ATP6V0A4: variants seen among roughly 807,000 people sequenced by gnomAD.
The protein encoded by ATP6V0A4 is V-type proton ATPase 116 kDa subunit a 4.
In ATP6V0A4, 86 loss-of-function variants were observed where a neutral mutation model predicts 107.3. That is an observed-to-expected ratio of 0.80 (90% CI 0.67 to 0.96). The LOEUF (loss-of-function observed/expected upper bound fraction) is 0.96. ATP6V0A4 is among the 40% of genes least tolerant of loss of function. The probability of loss-of-function intolerance (pLI) is 0.00; values close to 1 mark genes in which losing one functional copy is unlikely to be tolerated. For synonymous variants in ATP6V0A4, 353 were observed against 381.4 expected (o/e 0.93, Z 0.87); for missense variants, 908 against 1,045.6 (o/e 0.87, Z 1.81).
intron 5 of ATP6V0A4, among the ~76,000 whole-genome samples, chr7:138,767,411 T>G (rs1275491405): frequency 1.3e-5 from 2 of 151,978 alleles, no homozygotes; most frequent in African/African-American, 2.4e-5. Flanking sequence ...TAATCCCAGC[T>G]ACTTGGGAGG....
In ATP6V0A4 at chr7:138,763,029, T is replaced by C; in HGVS notation, c.292-4A>G. 2 of 1,613,948 alleles carry C rather than the reference T, an allele frequency of 1.2e-6. No homozygotes were observed. Among genetic ancestry groups the C allele is most frequent in the South Asian group, 1.1e-5 (1 of 91,084 alleles). On this transcript the variant is annotated splice_region_variant and splice_polypyrimidine_tract_variant and intron_variant, in intron 5 of 21. Transcript: ENST00000310018. ...CTTCCAGTTTTTCTAGAACAGTCTA[T>C]GCAGGAAGGAAAAAGAAGGTAAGCC...
At chr7:138,732,688 G>A (rs965796895) in intron 17 of ATP6V0A4, among the ~76,000 whole-genome samples, 189 bp downstream of exon 17, 1 of 151,944 alleles carries the variant, frequency 6.6e-6, no homozygotes, top group African/African-American at 2.4e-5. Flanking sequence ...CAGCCACTCA[G>A]GAGGCTGAGT....
chr7:138,767,978 G>T (rs1807178215), intron 5 of ATP6V0A4, among the ~76,000 whole-genome samples: 2 of 152,156 alleles, frequency 1.3e-5, no homozygotes, highest in South Asian at 2.1e-4. Flanking sequence ...CTGTCGCCCA[G>T]GCTGGAGTGC....
chr7:138,710,736 G>C (rs1464723478), intron 20 of ATP6V0A4, among the ~76,000 whole-genome samples: 2 of 152,194 alleles, frequency 1.3e-5, no homozygotes, highest in Non-Finnish European at 2.9e-5. Flanking sequence ...ACTCGGGAAA[G>C]TGGCTCTTTT....
Position 138,715,875 on chromosome 7 carries a change from A to G in ATP6V0A4, c.2146T>C (p.Phe716Leu). ...ALDDHGEEFNFGDVFVHQAIH... is the reference protein window; with the variant it reads ...ALDDHGEEFNLGDVFVHQAIH... The stretch of plus-strand genomic sequence containing the variant: ...GCTTGGTGGACAAAGACGTCTCCAA[A>G]GTTGAACTGAAAGACGGAATTGTTT... The change falls in exon 20 of 22, where the codon TTT becomes CTT. Residue 716 changes from phenylalanine to leucine, a missense_variant. By Grantham distance (22) the Phe-to-Leu change is conservative. Transcript: ENST00000310018. 1 of 1,613,192 alleles carries G rather than the reference A, an allele frequency of 6.2e-7. No homozygotes were observed. Among genetic ancestry groups the G allele is most frequent in the African/African-American group, 1.3e-5 (1 of 75,050 alleles).
At chr7:138,713,764 G>A (rs551131208) in intron 20 of ATP6V0A4, among the ~76,000 whole-genome samples, 1 of 152,152 alleles carries the variant, frequency 6.6e-6, no homozygotes, top group South Asian at 2.1e-4. Flanking sequence ...GGGCTGCAGG[G>A]GCAAACACAC....
At position 138,784,309 on chromosome 7, in the gene ATP6V0A4, T is replaced by C. The variant is rs1195438242; in HGVS notation, c.-18+1849A>G. Among the ~76,000 whole-genome samples the C allele has an allele frequency of 1.1e-3, 139 of 122,204 alleles. 2 individuals carry two copies. Among genetic ancestry groups the C allele is most frequent in the Middle Eastern group, 7.8e-3 (2 of 256 alleles). The allele number at this position is 122,204 out of a possible 152,430, so 80.2% of individuals were successfully genotyped here. A position where few individuals can be genotyped will look rare whatever the true frequency, so the allele number is the denominator to read the frequency against. On this transcript the variant is annotated intron_variant, in intron 2 of 21. Coordinates refer to ENST00000310018, the MANE Select transcript of ATP6V0A4 (RefSeq NM_020632.3). ...ATATATACACACACACACACACACA[T>C]ATATATATATGTATTTTTTTTTTTT...
intron 1 of ATP6V0A4, among the ~76,000 whole-genome samples, chr7:138,790,928 C>T (rs1808381082): frequency 1.3e-5 from 2 of 152,054 alleles, no homozygotes; most frequent in Non-Finnish European, 2.9e-5. Context: ...TTTCTATAAA[C>T]AATAGTATGT....
At chr7:138,786,617 G>A (rs771109989) in intron 1 of ATP6V0A4, among the ~76,000 whole-genome samples, 9 of 151,798 alleles carry the variant, frequency 5.9e-5, no homozygotes, top group Non-Finnish European at 1.0e-4. Flanking sequence ...ATGCCCTGAA[G>A]TTTATCATGG....
intron 14 of ATP6V0A4, 138 bp downstream of exon 14, chr7:138,744,985 G>A (rs184838411): frequency 1.2e-3 from 981 of 823,488 alleles, no homozygotes; most frequent in Non-Finnish European, 1.7e-3. Flanking sequence ...TTACAGGCAT[G>A]AGCCACTGAG....
chr7:138,758,238 G>C (rs937483157), intron 8 of ATP6V0A4, among the ~76,000 whole-genome samples: 1 of 151,846 alleles, frequency 6.6e-6, no homozygotes, highest in Non-Finnish European at 1.5e-5. Context: ...TCTCATATTA[G>C]GTAAAACAAA....
chr7:138,707,600 C>T (rs1803512699), intron 21 of ATP6V0A4, among the ~76,000 whole-genome samples: 1 of 150,540 alleles, frequency 6.6e-6, no homozygotes, highest in Non-Finnish European at 1.5e-5. Context: ...CCAGGTTTTG[C>T]TATGTTGGCC....
intron 5 of ATP6V0A4, among the ~76,000 whole-genome samples, chr7:138,766,215 T>TTTTTTTTGTTTTTG (rs1807081558): frequency 1.1e-5 from 1 of 87,980 alleles, no homozygotes. Context: ...TTTTTTTTTT[T>TTTTTTTTGTTTTTG]TTTTGGAAAC....
chr7:138,718,670 TCG>T (rs150305353), intron 19 of ATP6V0A4, among the ~76,000 whole-genome samples: 8 of 39,924 alleles, frequency 2.0e-4, no homozygotes, highest in Non-Finnish European at 2.4e-4. Flanking sequence ...AGGAAGGAAT[TCG>T]GGGCGGGGGG....
chr7:138,762,867 G>A (rs574324316), intron 6 of ATP6V0A4, 33 bp downstream of exon 6: 57 of 1,608,508 alleles, frequency 3.5e-5, no homozygotes, highest in South Asian at 6.6e-5. Flanking sequence ...TCTGAGGAAC[G>A]GGCCCTTTAG....
intron 2 of ATP6V0A4, among the ~76,000 whole-genome samples, chr7:138,778,655 C>T (rs1206063448): frequency 6.6e-6 from 1 of 152,150 alleles, no homozygotes; most frequent in African/African-American, 2.4e-5. Context: ...AGAAAACTTT[C>T]AGACAATAAT....
At chr7:138,742,517 GTGTTTGTTTGTT>G (rs375582932) in intron 14 of ATP6V0A4, among the ~76,000 whole-genome samples, 1 of 152,060 alleles carries the variant, frequency 6.6e-6, no homozygotes, top group East Asian at 1.9e-4. Flanking sequence ...AAGAATGAAT[GTGTTTGTTTGTT>G]TGTTTGTTTG....
At chr7:138,770,195 A>G (rs1363233358) in intron 3 of ATP6V0A4, among the ~76,000 whole-genome samples, 1 of 152,136 alleles carries the variant, frequency 6.6e-6, no homozygotes, top group Non-Finnish European at 1.5e-5. Context: ...CTGCCTGAAA[A>G]AAGAAAAGTA....
chr7:138,790,442 A>C (rs112111499), intron 1 of ATP6V0A4, among the ~76,000 whole-genome samples: 3 of 152,152 alleles, frequency 2.0e-5, no homozygotes, highest in African/African-American at 7.2e-5. Context: ...TTACAGGCAC[A>C]TACCACCAGG....
Sources: gnomAD v4.1 joint callset for allele counts (sites outside exome capture counted in the v4.1 genomes callset) on GRCh38, gnomAD v4.1.1 for gene constraint, MANE v1.5 for transcripts, NCBI Gene and HGNC (gene_info 2026-07-23, HGNC 2026-07-21) for gene names.